The following BRINP3 variants were observed in gnomAD, a reference collection of about 807,000 sequenced individuals.
BRINP3 encodes BMP/retinoic acid inducible neural specific 3, also known as BMP/retinoic acid-inducible neural-specific protein 3.
A neutral mutation model predicts 71.0 loss-of-function variants in BRINP3; 19 were observed. The observed-to-expected ratio is 0.27, with a 90% confidence interval of 0.19 to 0.39. The LOEUF is 0.39. Among genes scored for constraint, BRINP3 ranks in the 10% least tolerant of loss-of-function variants. BRINP3 has a pLI of 1.00. For synonymous variants in BRINP3, 380 were observed against 337.7 expected, an observed-to-expected ratio of 1.13 and a Z score of -1.37; for missense variants, 959 against 940.8, an observed-to-expected ratio of 1.02 and a Z score of -0.25.
At chr1:190,134,257 GATGTACAAAAGGAT>G (rs1654787453) in intron 7 of BRINP3, among the ~76,000 whole-genome samples, 1 of 152,020 alleles carries the variant, frequency 6.6e-6, no homozygotes, top group Non-Finnish European at 1.5e-5. Flanking sequence ...TCTGTGCAAA[GATGTACAAAAGGAT>G]ATGTGTTCCA....
intron 7 of BRINP3, among the ~76,000 whole-genome samples, chr1:190,100,990 G>A (rs542151101): frequency 6.6e-6 from 1 of 152,058 alleles, no homozygotes; most frequent in African/African-American, 2.4e-5. Flanking sequence ...TCTTATAATT[G>A]GGCAAGTTTG....
intron 7 of BRINP3, among the ~76,000 whole-genome samples, chr1:190,128,751 T>A (rs1654292852): frequency 6.6e-6 from 1 of 151,800 alleles, no homozygotes; most frequent in Admixed American, 6.6e-5. Flanking sequence ...TAGCAGAGAA[T>A]CAAGAGAAAG....
chr1:190,191,325 C>T (rs959461205), intron 6 of BRINP3, among the ~76,000 whole-genome samples: 13 of 151,794 alleles, frequency 8.6e-5, no homozygotes, highest in African/African-American at 2.9e-4. Context: ...ATGTGTATAA[C>T]GTGCAGGTTT....
At chr1:190,324,411 TC>T (rs1571749476) in intron 2 of BRINP3, among the ~76,000 whole-genome samples, 1 of 151,988 alleles carries the variant, frequency 6.6e-6, no homozygotes, top group South Asian at 2.1e-4. Flanking sequence ...CACAGACATT[TC>T]CCCCTACAAA....
In BRINP3 at chr1:190,343,366, A is replaced by G. The variant is rs539047136; in HGVS notation, c.237-61616T>C. Among the ~76,000 whole-genome samples, 15 of 152,000 alleles carry G rather than the reference A, an allele frequency of 9.9e-5. No homozygotes were observed. In the South Asian group the frequency reaches 2.9e-3, roughly 29 times the overall value. On this transcript the variant is annotated intron_variant, in intron 2 of 7. Coordinates refer to ENST00000367462, the MANE Select transcript of BRINP3 (RefSeq NM_199051.3). ...AATAAATGCAGAAACTTTGCACAGT[A>G]AAGTGAAAACAAAACCAAATTAGCC...
At chr1:190,243,086 C>CT (rs2102778139) in intron 4 of BRINP3, among the ~76,000 whole-genome samples, 1 of 152,186 alleles carries the variant, frequency 6.6e-6, no homozygotes, top group South Asian at 2.1e-4. Flanking sequence ...TATGCTAATT[C>CT]TTTGAGTACA....
At chr1:190,145,829 A>G (rs1571833695) in intron 7 of BRINP3, among the ~76,000 whole-genome samples, 1 of 152,250 alleles carries the variant, frequency 6.6e-6, no homozygotes, top group East Asian at 1.9e-4. Context: ...ATACATTCAC[A>G]TACATACATA....
chr1:190,433,921 T>C (rs1674275963), intron 2 of BRINP3, among the ~76,000 whole-genome samples: 2 of 152,148 alleles, frequency 1.3e-5, no homozygotes, highest in South Asian at 2.1e-4. Context: ...TCTGCTAAAA[T>C]ATGAGCTACA....
At chr1:190,357,945 C>T (rs1185553492) in intron 2 of BRINP3, among the ~76,000 whole-genome samples, 2 of 151,332 alleles carry the variant, frequency 1.3e-5, no homozygotes, top group African/African-American at 4.9e-5. Flanking sequence ...TCTGGGAAAA[C>T]TGGCTAGCCA....
chr1:190,221,184 C>G (rs568748955), intron 6 of BRINP3, among the ~76,000 whole-genome samples: 1 of 152,112 alleles, frequency 6.6e-6, no homozygotes, highest in Non-Finnish European at 1.5e-5. Context: ...CACCACTACA[C>G]TCCAGCCTAG....
intron 7 of BRINP3, among the ~76,000 whole-genome samples, chr1:190,104,928 T>C (rs1274432105): frequency 1.3e-5 from 2 of 152,120 alleles, no homozygotes; most frequent in African/African-American, 2.4e-5. Context: ...AATTTCAGAA[T>C]CTTTTTGAAG....
chr1:190,414,126 C>T (rs1672862788), intron 2 of BRINP3, among the ~76,000 whole-genome samples: 1 of 151,788 alleles, frequency 6.6e-6, no homozygotes, highest in African/African-American at 2.4e-5. Flanking sequence ...TTTTATTTTT[C>T]TGGTAAAAAT....
intron 2 of BRINP3, among the ~76,000 whole-genome samples, chr1:190,286,388 C>A (rs1663428034): frequency 6.6e-6 from 1 of 152,048 alleles, no homozygotes; most frequent in South Asian, 2.1e-4. Context: ...TAAATATATA[C>A]AAATACACAA....
At chr1:190,341,266 A>C (rs1012785556) in intron 2 of BRINP3, among the ~76,000 whole-genome samples, 1 of 151,938 alleles carries the variant, frequency 6.6e-6, no homozygotes, top group African/African-American at 2.4e-5. Context: ...CAGTAATGTC[A>C]GCAAACAAAT....
intron 2 of BRINP3, among the ~76,000 whole-genome samples, chr1:190,333,718 C>A (rs867989219): frequency 1.3e-5 from 2 of 151,922 alleles, no homozygotes; most frequent in Non-Finnish European, 2.9e-5. Flanking sequence ...TTAACAACAT[C>A]CATACTAATT....
rs140137563 is a variant in BRINP3, at chr1:190,378,860, C to T, written c.236+75795G>A. Among the ~76,000 whole-genome samples the T allele has an allele frequency of 1.3e-4, 20 of 152,198 alleles. No individual in the cohort carries two copies. The East Asian group carries it at 2.7e-3, about 21-fold the overall frequency. ...AGTTGTGACACTAATTGAGTGTGTG[C>T]GGCATCTATCTGAGCTGTTCACATG... On this transcript the variant is annotated intron_variant, in intron 2 of 7. Transcript: ENST00000367462.
chr1:190,342,412 T>C (rs1667724758), intron 2 of BRINP3: 1 of 151,254 alleles, frequency 6.6e-6, no homozygotes, highest in Non-Finnish European at 1.5e-5. Context: ...ATAAAGATTC[T>C]GAATGTTTTT....
intron 7 of BRINP3, among the ~76,000 whole-genome samples, chr1:190,122,273 A>G (rs889970903): frequency 1.3e-4 from 20 of 152,102 alleles, no homozygotes; most frequent in Non-Finnish European, 2.5e-4. Context: ...AGATATGAAT[A>G]TAAATATTAT....
At chr1:190,190,787 T>A (rs528007998) in intron 6 of BRINP3, among the ~76,000 whole-genome samples, 42 of 152,240 alleles carry the variant, frequency 2.8e-4, no homozygotes, top group African/African-American at 8.9e-4. Flanking sequence ...TTGTGTTTAA[T>A]ATTACATACC....
Sources: allele counts gnomAD v4.1 joint callset (sites outside exome capture counted in the v4.1 genomes callset), GRCh38; gene constraint gnomAD v4.1.1; transcripts MANE v1.5; gene names NCBI Gene and HGNC (gene_info 2026-07-23, HGNC 2026-07-21).